Variants in GRAMD1B observed in about 807,000 individuals in gnomAD.
The protein encoded by GRAMD1B is protein Aster-B.
Under a neutral mutation model 99.7 loss-of-function variants are expected in GRAMD1B, and 37 were observed. The observed-to-expected ratio is 0.37, with a 90% CI of 0.29 to 0.49. The LOEUF is 0.49. Ranked by LOEUF, GRAMD1B falls within the 20% of genes least tolerant of loss-of-function variation. The pLI, the probability that GRAMD1B is intolerant of heterozygous loss-of-function variation, is 0.98. For missense variants in GRAMD1B, 888 were observed against 1,009.2 expected, an observed-to-expected ratio of 0.88 and a Z score of 1.63; for synonymous variants, 427 against 387.6, an observed-to-expected ratio of 1.10 and a Z score of -1.19.
chr11:123,400,196 G>A (rs1565474426), intron 1 of GRAMD1B, among the ~76,000 whole-genome samples: 1 of 152,130 alleles, frequency 6.6e-6, no homozygotes, highest in Admixed American at 6.6e-5. Context: ...TAGAAATCAG[G>A]CCAGGCATGG....
rs1950459924 is a variant in GRAMD1B, at chr11:123,589,740, G to A, written c.685-4342G>A. ...GCTTCCCAAAGTGCTGGGATTACAA[G>A]CACGAGCCACTGTGCCCAGCCTGGA... On this transcript the variant is annotated intron_variant, in intron 4 of 19. Coordinates refer to ENST00000635736, the MANE Select transcript of GRAMD1B (RefSeq NM_001387025.1). 3.9e-5 allele frequency among the ~76,000 whole-genome samples: 6 copies of A among 151,910 alleles called. 1 individual carries two copies. In the South Asian group the frequency reaches 8.3e-4, roughly 21 times the overall value.
At chr11:123,546,012 T>C (rs1294729043) in intron 2 of GRAMD1B, among the ~76,000 whole-genome samples, 1 of 152,224 alleles carries the variant, frequency 6.6e-6, no homozygotes, top group Non-Finnish European at 1.5e-5. Context: ...CACCAGGCAA[T>C]GTGGACAGCA....
intron 1 of GRAMD1B, among the ~76,000 whole-genome samples, chr11:123,393,813 G>A (rs1947361651): frequency 6.6e-6 from 1 of 152,142 alleles, no homozygotes; most frequent in Non-Finnish European, 1.5e-5. Context: ...AACACCAGAA[G>A]GTGGGGTTTG....
chr11:123,404,744 G>C (rs17127340), intron 1 of GRAMD1B, among the ~76,000 whole-genome samples: 38,282 of 152,178 alleles, frequency 0.25, 8,099 homozygotes, highest in African/African-American at 0.59. Flanking sequence ...ACTCAACTTC[G>C]TCTGCTGTTT....
At chr11:123,525,911 A>C in intron 2 of GRAMD1B, 1 of 551,952 alleles carries the variant, frequency 1.8e-6, no homozygotes. Context: ...CTGGATTTGC[A>C]GAATCTGTCC....
At chr11:123,473,660 C>T (rs990098301) in intron 1 of GRAMD1B, among the ~76,000 whole-genome samples, 10 of 152,122 alleles carry the variant, frequency 6.6e-5, no homozygotes, top group Admixed American at 6.5e-4. Flanking sequence ...AATCTTTGAC[C>T]AGGGATTCTA....
chr11:123,589,989 T>C (rs1454440644), intron 4 of GRAMD1B, among the ~76,000 whole-genome samples: 2 of 152,192 alleles, frequency 1.3e-5, no homozygotes, highest in African/African-American at 4.8e-5. Context: ...CCCACCCCAC[T>C]GCTGTCTCAT....
intron 1 of GRAMD1B, among the ~76,000 whole-genome samples, chr11:123,474,983 G>A (rs1319793036): frequency 1.3e-5 from 2 of 152,160 alleles, no homozygotes; most frequent in African/African-American, 4.8e-5. Context: ...TCTGGGCATA[G>A]GAAGCTATGA....
At chr11:123,397,079 A>G (rs1214722807) in intron 1 of GRAMD1B, among the ~76,000 whole-genome samples, 1 of 151,924 alleles carries the variant, frequency 6.6e-6, no homozygotes, top group Non-Finnish European at 1.5e-5. Context: ...TTACCCTAAC[A>G]TTTTTTCCTG....
intron 1 of GRAMD1B, among the ~76,000 whole-genome samples, chr11:123,391,566 C>T (rs892057286): frequency 6.6e-6 from 1 of 152,176 alleles, no homozygotes; most frequent in Non-Finnish European, 1.5e-5. Context: ...AAGCAATTCT[C>T]CTGCCTCAGC....
chr11:123,543,858 T>C (rs2135739611), intron 2 of GRAMD1B, among the ~76,000 whole-genome samples: 1 of 152,360 alleles, frequency 6.6e-6, no homozygotes, highest in Non-Finnish European at 1.5e-5. Flanking sequence ...CATTTACTTG[T>C]TGTCTGTGAC....
chr11:123,457,136 A>AGAAAGAAAGAAT (rs1469694489), intron 1 of GRAMD1B, among the ~76,000 whole-genome samples: 2 of 148,932 alleles, frequency 1.3e-5, no homozygotes, highest in African/African-American at 2.5e-5. Flanking sequence ...AAAGAAAGAA[A>AGAAAGAAAGAAT]GAATTAGAAC....
At chr11:123,394,960 C>T (rs1423596981) in intron 1 of GRAMD1B, among the ~76,000 whole-genome samples, 2 of 152,170 alleles carry the variant, frequency 1.3e-5, no homozygotes, top group Non-Finnish European at 2.9e-5. Context: ...TATACCAATC[C>T]CACCCATGGT....
At chr11:123,469,698 TTC>T (rs1176719399) in intron 1 of GRAMD1B, among the ~76,000 whole-genome samples, 1 of 152,088 alleles carries the variant, frequency 6.6e-6, no homozygotes, top group East Asian at 1.9e-4. Flanking sequence ...TCCTTTCCCT[TTC>T]TCTTTCTTTT....
At chr11:123,453,989 C>T (rs971260836) in intron 1 of GRAMD1B, among the ~76,000 whole-genome samples, 11 of 152,246 alleles carry the variant, frequency 7.2e-5, no homozygotes, top group African/African-American at 2.7e-4. Context: ...CATGCCAACA[C>T]TGTTCCTCAC....
At chr11:123,600,222 C>A (rs894496120) in intron 7 of GRAMD1B, among the ~76,000 whole-genome samples, 3 of 152,134 alleles carry the variant, frequency 2.0e-5, no homozygotes, top group African/African-American at 7.2e-5. Context: ...GGGAGAAAAG[C>A]ACTGAGGAAA....
rs776150911 is a variant in GRAMD1B, at chr11:123,609,889, A to G, written c.1752A>G (p.Lys584=). 16 of 1,590,080 alleles carry G rather than the reference A, an allele frequency of 1.0e-5. No homozygotes were observed. Among genetic ancestry groups the G allele is most frequent in the Non-Finnish European group, 1.4e-5 (16 of 1,165,988 alleles). Residue 584 remains lysine, a synonymous_variant, in exon 13 of 20, where the codon AAA becomes AAG. Transcript: ENST00000635736. ...CCCTTACCAACCCTCTGGCTCCCAA[A>G]ACTGCCACTGTCAGGGAGACACAGG... is the stretch of plus-strand genomic sequence containing the variant. The part of the protein sequence containing the change: ...TITLTNPLAP[K]TATVRETQTM...
intron 1 of GRAMD1B, among the ~76,000 whole-genome samples, chr11:123,474,381 C>T (rs1951162046): frequency 6.6e-6 from 1 of 152,210 alleles, no homozygotes; most frequent in African/African-American, 2.4e-5. Context: ...TCCCCCTCTG[C>T]TAAGTGGCAG....
intron 1 of GRAMD1B, among the ~76,000 whole-genome samples, chr11:123,390,805 T>G (rs1453472793): frequency 2.6e-5 from 4 of 152,248 alleles, no homozygotes; most frequent in African/African-American, 9.6e-5. Flanking sequence ...CAAACTCATG[T>G]TTGCTTTCCA....
Sources: gnomAD v4.1 joint callset for allele counts (sites outside exome capture counted in the v4.1 genomes callset) on GRCh38, gnomAD v4.1.1 for gene constraint, MANE v1.5 for transcripts, NCBI Gene and HGNC (gene_info 2026-07-23, HGNC 2026-07-21) for gene names.